NEDD4L: variants seen among roughly 807,000 people sequenced by gnomAD.
NEDD4L encodes the protein E3 ubiquitin-protein ligase NEDD4-like.
Under a neutral mutation model 148.9 loss-of-function variants are expected in NEDD4L, and 54 were observed. The ratio of observed to expected loss-of-function variants is 0.36; its 90% CI spans 0.29 to 0.45. NEDD4L has a LOEUF of 0.45. Ranked by LOEUF, NEDD4L falls within the 20% of genes least tolerant of loss-of-function variation. NEDD4L has a pLI of 1.00. For synonymous variants in NEDD4L, 433 were observed against 440.7 expected (o/e 0.98, Z 0.22); for missense variants, 856 against 1,233.8 (o/e 0.69, Z 4.59).
chr18:58,320,792 A>T (rs2058704935), intron 6 of NEDD4L, among the ~76,000 whole-genome samples: 1 of 152,214 alleles, frequency 6.6e-6, no homozygotes, highest in Admixed American at 6.5e-5. Flanking sequence ...TCCAGCCTGG[A>T]CAGCAGAAGA....
At chr18:58,264,429 G>A (rs2049924263) in intron 5 of NEDD4L, among the ~76,000 whole-genome samples, 1 of 151,986 alleles carries the variant, frequency 6.6e-6, no homozygotes. Context: ...GAGTTGCCTT[G>A]GAAATTATGC....
At chr18:58,081,034 T>C (rs985101635) in intron 1 of NEDD4L, among the ~76,000 whole-genome samples, 1 of 152,050 alleles carries the variant, frequency 6.6e-6, no homozygotes, top group Non-Finnish European at 1.5e-5. Context: ...TCCTATATGA[T>C]AATGTTACAG....
At chr18:58,126,860 A>G (rs1204165157) in intron 1 of NEDD4L, among the ~76,000 whole-genome samples, 2 of 152,186 alleles carry the variant, frequency 1.3e-5, no homozygotes, top group Non-Finnish European at 2.9e-5. Context: ...CAGGAATGTC[A>G]GTTCCCTGCA....
intron 5 of NEDD4L, among the ~76,000 whole-genome samples, chr18:58,281,553 A>G (rs1311546042): frequency 6.6e-6 from 1 of 151,996 alleles, no homozygotes; most frequent in Non-Finnish European, 1.5e-5. Flanking sequence ...GTAATTATTC[A>G]TTGTCCTAGC....
chr18:58,203,993 T>C (rs887804655), intron 2 of NEDD4L, among the ~76,000 whole-genome samples: 17 of 152,180 alleles, frequency 1.1e-4, no homozygotes, highest in African/African-American at 9.7e-5. Context: ...ACCAGTTTCA[T>C]AGAATGACTT....
chr18:58,351,029 G>C lies in NEDD4L; in HGVS notation c.1692G>C (p.Thr564=), dbSNP rs565189263. The change falls in exon 18 of 31, where the codon ACG becomes ACC. Residue 564 remains threonine (T), a synonymous_variant. Coordinates refer to ENST00000400345, the MANE Select transcript of NEDD4L (RefSeq NM_001144967.3). ...WEERIHLDGR[T]FYIDHNSKIT... Reference sequence around the variant, plus strand: ...AAAGAATTCACTTGGATGGCCGAACGTTTTATATTGATCATAGTAAGTAGG... The same window carrying C: ...AAAGAATTCACTTGGATGGCCGAACCTTTTATATTGATCATAGTAAGTAGG... The C allele has an allele frequency of 6.3e-7, 1 of 1,594,160 alleles. No homozygotes were observed. The highest frequency in any genetic ancestry group is 8.6e-7 in the Non-Finnish European group (1 of 1,169,564).
intron 1 of NEDD4L, among the ~76,000 whole-genome samples, chr18:58,096,856 G>A (rs141278017): frequency 2.0e-5 from 3 of 152,278 alleles, no homozygotes; most frequent in African/African-American, 7.2e-5. Context: ...CACAGAATGC[G>A]GTGTGTTGGA....
chr18:58,077,059 C>T (rs2083202195), intron 1 of NEDD4L, among the ~76,000 whole-genome samples: 1 of 151,448 alleles, frequency 6.6e-6, no homozygotes, highest in Non-Finnish European at 1.5e-5. Flanking sequence ...GCTAACAGGC[C>T]AGTCTGGTCT....
intron 13 of NEDD4L, among the ~76,000 whole-genome samples, chr18:58,337,565 A>G (rs2041929055): frequency 6.6e-6 from 1 of 151,974 alleles, no homozygotes; most frequent in African/African-American, 2.4e-5. Context: ...ACATTGTGCC[A>G]CTTTATTTTA....
intron 22 of NEDD4L, among the ~76,000 whole-genome samples, chr18:58,369,059 A>G (rs1279779664): frequency 6.6e-6 from 1 of 152,206 alleles, no homozygotes; most frequent in East Asian, 1.9e-4. Flanking sequence ...AGCGGGGGGA[A>G]AAGAGATGAG....
chr18:58,088,469 C>T (rs984001827), intron 1 of NEDD4L, among the ~76,000 whole-genome samples: 1 of 152,164 alleles, frequency 6.6e-6, no homozygotes, highest in African/African-American at 2.4e-5. Flanking sequence ...GTGTCTTATT[C>T]TTATGTTAAG....
intron 5 of NEDD4L, among the ~76,000 whole-genome samples, chr18:58,274,137 GC>G (rs79162403): frequency 0.18 from 27,469 of 152,068 alleles, 2,612 homozygotes; most frequent in Non-Finnish European, 0.18. Flanking sequence ...CAGCTTTCTA[GC>G]CCATCTCCAA....
chr18:58,363,324 T>G (rs915927059), intron 19 of NEDD4L, among the ~76,000 whole-genome samples: 3 of 152,204 alleles, frequency 2.0e-5, no homozygotes, highest in African/African-American at 7.2e-5. Flanking sequence ...TTTATTAACT[T>G]AGGCCGAAAT....
chr18:58,349,978 A>G (rs1045481822), intron 17 of NEDD4L, among the ~76,000 whole-genome samples: 1 of 152,246 alleles, frequency 6.6e-6, no homozygotes, highest in Non-Finnish European at 1.5e-5. Flanking sequence ...AACAAAAATA[A>G]TGAAAATAGT....
chr18:58,313,142 CA>C (rs1378119723), intron 5 of NEDD4L, among the ~76,000 whole-genome samples: 1 of 152,208 alleles, frequency 6.6e-6, no homozygotes, highest in African/African-American at 2.4e-5. Context: ...TCATTTTGAC[CA>C]TGTGCATTTT....
At chr18:58,340,256 A>C (rs887204448) in intron 13 of NEDD4L, among the ~76,000 whole-genome samples, 3 of 152,118 alleles carry the variant, frequency 2.0e-5, no homozygotes, top group African/African-American at 7.2e-5. Context: ...CATTTCTTAG[A>C]CTGCTTCTCA....
intron 1 of NEDD4L, among the ~76,000 whole-genome samples, chr18:58,130,641 T>G: frequency 7.0e-6 from 1 of 142,454 alleles, no homozygotes; most frequent in Non-Finnish European, 1.5e-5. Flanking sequence ...TTGGGCTCTG[T>G]TGGGGTTTGG....
intron 1 of NEDD4L, among the ~76,000 whole-genome samples, chr18:58,122,543 G>C (rs2030144184): frequency 3.9e-5 from 6 of 152,126 alleles, no homozygotes; most frequent in Admixed American, 3.9e-4. Flanking sequence ...GTGAGCCCTG[G>C]AGTGGTGTTT....
intron 1 of NEDD4L, among the ~76,000 whole-genome samples, chr18:58,105,920 C>G (rs549687005): frequency 4.9e-4 from 75 of 152,332 alleles, no homozygotes; most frequent in African/African-American, 1.7e-3. Context: ...TTGCCGTTTT[C>G]AGGGTCAGGC....
Sources: allele counts gnomAD v4.1 joint callset (sites outside exome capture counted in the v4.1 genomes callset), GRCh38; gene constraint gnomAD v4.1.1; transcripts MANE v1.5; gene names NCBI Gene and HGNC (gene_info 2026-07-23, HGNC 2026-07-21).